MAPKAP1: variants seen among roughly 807,000 people sequenced by gnomAD.
MAPKAP1 encodes target of rapamycin complex 2 subunit MAPKAP1.
A neutral mutation model predicts 65.7 loss-of-function variants in MAPKAP1; 20 were observed. That is an observed-to-expected ratio of 0.30 (90% CI 0.21 to 0.44). The LOEUF (loss-of-function observed/expected upper bound fraction) is 0.44, where lower values mean the gene tolerates loss of function less well. MAPKAP1 is among the 20% of genes least tolerant of loss of function. The pLI is 1.00. For missense variants in MAPKAP1, 423 were observed against 648.0 expected, an observed-to-expected ratio of 0.65 and a Z score of 3.77; for synonymous variants, 222 against 244.3, an observed-to-expected ratio of 0.91 and a Z score of 0.85.
intron 4 of MAPKAP1, among the ~76,000 whole-genome samples, chr9:125,598,064 G>C (rs1479029989): frequency 1.3e-5 from 2 of 148,352 alleles, no homozygotes; most frequent in Non-Finnish European, 3.0e-5. Context: ...AAAGAGGGTC[G>C]ACATGAGAAA....
intron 8 of MAPKAP1, among the ~76,000 whole-genome samples, chr9:125,498,608 T>C (rs1388014551): frequency 2.6e-5 from 4 of 152,216 alleles, no homozygotes; most frequent in African/African-American, 4.8e-5. Flanking sequence ...AAAACATTCA[T>C]TGACGTGGTT....
chr9:125,528,843 G>C (rs1451788071), intron 7 of MAPKAP1, among the ~76,000 whole-genome samples: 3 of 72,440 alleles, frequency 4.1e-5, no homozygotes, highest in African/African-American at 1.2e-4. Context: ...GTGAGACTCC[G>C]TCTCAAAAAA....
At chr9:125,649,668 A>G (rs1833834964) in intron 4 of MAPKAP1, among the ~76,000 whole-genome samples, 1 of 152,068 alleles carries the variant, frequency 6.6e-6, no homozygotes, top group Admixed American at 6.6e-5. Flanking sequence ...TTCCCCAAAC[A>G]CAAACCAGAC....
At chr9:125,682,844 A>G (rs1416987240) in intron 1 of MAPKAP1, among the ~76,000 whole-genome samples, 1 of 152,244 alleles carries the variant, frequency 6.6e-6, no homozygotes, top group Non-Finnish European at 1.5e-5. Flanking sequence ...AATATTTATA[A>G]GGCACTTACT....
intron 5 of MAPKAP1, among the ~76,000 whole-genome samples, chr9:125,571,197 CTT>C (rs1451813119): frequency 6.6e-6 from 1 of 152,074 alleles, no homozygotes; most frequent in African/African-American, 2.4e-5. Flanking sequence ...TCTAATATAA[CTT>C]AGTGTATGTA....
intron 4 of MAPKAP1, among the ~76,000 whole-genome samples, chr9:125,623,807 G>A (rs1345778481): frequency 1.8e-5 from 1 of 54,178 alleles, no homozygotes; most frequent in African/African-American, 4.6e-5. Context: ...GAGGGAGGTG[G>A]GGGGGTCAGC....
At chr9:125,545,997 C>T (rs1026567277) in intron 6 of MAPKAP1, among the ~76,000 whole-genome samples, 3 of 152,188 alleles carry the variant, frequency 2.0e-5, no homozygotes, top group Non-Finnish European at 2.9e-5. Flanking sequence ...CGCTTCCGAG[C>T]GGCTGCCATG....
intron 4 of MAPKAP1, among the ~76,000 whole-genome samples, chr9:125,618,178 A>G (rs966597661): frequency 6.6e-6 from 1 of 151,400 alleles, no homozygotes; most frequent in Non-Finnish European, 1.5e-5. Flanking sequence ...CCCATCTCTA[A>G]TAAAAACACA....
At chr9:125,573,470 C>T (rs1009552041) in intron 5 of MAPKAP1, among the ~76,000 whole-genome samples, 1 of 152,212 alleles carries the variant, frequency 6.6e-6, no homozygotes, top group Non-Finnish European at 1.5e-5. Context: ...TTTAGCATAT[C>T]AGCAAGAAAT....
chr9:125,472,531 G>A (rs756753736), intron 9 of MAPKAP1, among the ~76,000 whole-genome samples: 2 of 152,092 alleles, frequency 1.3e-5, no homozygotes, highest in African/African-American at 4.8e-5. Context: ...AAGTTTTTGC[G>A]TAAAGTCATT....
intron 7 of MAPKAP1, among the ~76,000 whole-genome samples, chr9:125,533,529 A>C (rs1021912906): frequency 3.3e-5 from 5 of 152,004 alleles, no homozygotes; most frequent in African/African-American, 7.3e-5. Context: ...GGCTTACTGC[A>C]ATCTCTGCTT....
chr9:125,592,558 C>G (rs889388025), intron 4 of MAPKAP1, among the ~76,000 whole-genome samples: 2 of 151,970 alleles, frequency 1.3e-5, no homozygotes, highest in African/African-American at 2.4e-5. Context: ...AAGAGAGGAT[C>G]GATTTCAAAA....
intron 1 of MAPKAP1, among the ~76,000 whole-genome samples, chr9:125,676,505 TGA>T (rs1834648407): frequency 6.6e-6 from 1 of 151,640 alleles, no homozygotes; most frequent in African/African-American, 2.4e-5. Context: ...TTACGCTAAG[TGA>T]AATAAGCCAG....
chr9:125,629,271 G>A (rs1833204449), intron 4 of MAPKAP1, among the ~76,000 whole-genome samples: 1 of 152,188 alleles, frequency 6.6e-6, no homozygotes, highest in African/African-American at 2.4e-5. Flanking sequence ...ACTGAAAACA[G>A]ATATTTGTAC....
chr9:125,505,424 C>CA (rs34967100), intron 8 of MAPKAP1, among the ~76,000 whole-genome samples: 30,255 of 145,682 alleles, frequency 0.21, 3,693 homozygotes, highest in Non-Finnish European at 0.29. Flanking sequence ...GACTCCGTCT[C>CA]AAAAAAAAAA....
intron 6 of MAPKAP1, among the ~76,000 whole-genome samples, chr9:125,558,407 AC>A (rs1376055967): frequency 6.6e-6 from 1 of 152,132 alleles, no homozygotes; most frequent in African/African-American, 2.4e-5. Flanking sequence ...TGAAACGGCC[AC>A]CATGAAAGCC....
chr9:125,603,258 C>A (rs1400207916), intron 4 of MAPKAP1, among the ~76,000 whole-genome samples: 1 of 152,100 alleles, frequency 6.6e-6, no homozygotes, highest in African/African-American at 2.4e-5. Flanking sequence ...AACTTCCAGG[C>A]CACAGACAAT....
intron 4 of MAPKAP1, among the ~76,000 whole-genome samples, chr9:125,621,031 G>A (rs1832881862): frequency 6.6e-6 from 1 of 152,088 alleles, no homozygotes. Flanking sequence ...CAGTACTTTG[G>A]GAGGCTGAGG....
intron 7 of MAPKAP1, among the ~76,000 whole-genome samples, chr9:125,529,679 TTC>T (rs1564544363): frequency 6.6e-6 from 1 of 152,164 alleles, no homozygotes; most frequent in Non-Finnish European, 1.5e-5. Flanking sequence ...CTCACTGACT[TTC>T]TGTTTGAAAA....
Sources: allele counts gnomAD v4.1 joint callset (sites outside exome capture counted in the v4.1 genomes callset), GRCh38; gene constraint gnomAD v4.1.1; transcripts MANE v1.5; gene names NCBI Gene and HGNC (gene_info 2026-07-23, HGNC 2026-07-21).